Variants in MAP2K4 observed in about 807,000 individuals in gnomAD.
MAP2K4 encodes the protein mitogen-activated protein kinase kinase 4.
A neutral mutation model predicts 48.5 loss-of-function variants in MAP2K4; 4 were observed. That is an observed-to-expected ratio of 0.08 (90% CI 0.04 to 0.19). The LOEUF (loss-of-function observed/expected upper bound fraction) is 0.19, where lower values mean the gene tolerates loss of function less well. MAP2K4 is among the 10% of genes least tolerant of loss of function. The pLI, the probability that MAP2K4 is intolerant of heterozygous loss-of-function variation, is 1.00. For synonymous variants in MAP2K4, 166 were observed against 173.1 expected, an observed-to-expected ratio of 0.96 and a Z score of 0.32; for missense variants, 258 against 493.3, an observed-to-expected ratio of 0.52 and a Z score of 4.52.
At position 12,063,469 on chromosome 17, in the gene MAP2K4, T is replaced by TA. The variant is rs1970516000; in HGVS notation, c.218+8479dup. Among the ~76,000 whole-genome samples the TA allele has an allele frequency of 5.3e-5, 8 of 152,312 alleles. No individual in the cohort carries two copies. The South Asian group carries it at 1.7e-3, about 32-fold the overall frequency. ...AGGATAAATTTTAATTTCTACTTCA[T>TA]ACCATATGCAAAAATTACCTCAAGA... On this transcript the variant is annotated intron_variant, in intron 2 of 10. Coordinates refer to ENST00000353533, the MANE Select transcript of MAP2K4 (RefSeq NM_003010.4).
chr17:12,098,202 G>A (rs950340524), intron 4 of MAP2K4, among the ~76,000 whole-genome samples: 3 of 152,028 alleles, frequency 2.0e-5, no homozygotes, highest in South Asian at 2.1e-4. Context: ...TAAAATGGCC[G>A]GGCACGGTGG....
intron 2 of MAP2K4, among the ~76,000 whole-genome samples, chr17:12,058,655 G>A (rs1970357829): frequency 6.6e-6 from 1 of 152,116 alleles, no homozygotes; most frequent in Admixed American, 6.6e-5. Context: ...GGCCAATGTT[G>A]TTTTATCTTT....
intron 2 of MAP2K4, among the ~76,000 whole-genome samples, chr17:12,074,398 A>C (rs889804107): frequency 6.6e-6 from 1 of 152,146 alleles, no homozygotes; most frequent in African/African-American, 2.4e-5. Context: ...ACTTGGAGAT[A>C]GTTTGATCCT....
intron 7 of MAP2K4, among the ~76,000 whole-genome samples, chr17:12,114,451 CTT>C (rs1972417591): frequency 6.6e-6 from 1 of 150,392 alleles, no homozygotes; most frequent in African/African-American, 2.5e-5. Context: ...ACCTTTTAAA[CTT>C]TTGGTTTTGT....
chr17:12,083,615 T>TC (rs1971265269), intron 3 of MAP2K4, among the ~76,000 whole-genome samples: 1 of 152,206 alleles, frequency 6.6e-6, no homozygotes, highest in Admixed American at 6.5e-5. Context: ...TTCCATGACT[T>TC]CATTAATACT....
chr17:12,036,405 T>C (rs1276975685), intron 1 of MAP2K4: 3 of 152,242 alleles, frequency 2.0e-5, no homozygotes, highest in Non-Finnish European at 2.9e-5. Context: ...TCACTGACTT[T>C]AATGAGCTAA....
chr17:12,056,326 C>CT (rs55767521), intron 2 of MAP2K4, among the ~76,000 whole-genome samples: 27,023 of 151,916 alleles, frequency 0.18, 2,654 homozygotes, highest in South Asian at 0.3. Flanking sequence ...TCTATTTGTA[C>CT]TGTCTTCCCT....
At chr17:12,117,451 A>T (rs140961614) in intron 7 of MAP2K4, among the ~76,000 whole-genome samples, 1 of 152,194 alleles carries the variant, frequency 6.6e-6, no homozygotes, top group African/African-American at 2.4e-5. Flanking sequence ...GCTGCAATAT[A>T]TCTTTTCCAC....
chr17:12,046,095 G>C (rs565864493), intron 1 of MAP2K4, among the ~76,000 whole-genome samples: 1 of 152,300 alleles, frequency 6.6e-6, no homozygotes, highest in East Asian at 1.9e-4. Flanking sequence ...TCTTATTAAG[G>C]ACTGTGAAAG....
chr17:12,051,328 T>G (rs1380145571), intron 1 of MAP2K4, among the ~76,000 whole-genome samples: 1 of 152,228 alleles, frequency 6.6e-6, no homozygotes, highest in Non-Finnish European at 1.5e-5. Flanking sequence ...CCATATAGGC[T>G]TAAGTTGTCT....
chr17:12,029,072 C>A (rs954041022), intron 1 of MAP2K4, among the ~76,000 whole-genome samples: 3 of 152,112 alleles, frequency 2.0e-5, no homozygotes, highest in Non-Finnish European at 4.4e-5. Flanking sequence ...TAAACACTTA[C>A]ACATCCTAAA....
chr17:12,060,728 GGTGT>G (rs368390462), intron 2 of MAP2K4, among the ~76,000 whole-genome samples: 6 of 150,344 alleles, frequency 4.0e-5, no homozygotes, highest in Admixed American at 6.7e-5. Context: ...AATACTATGG[GGTGT>G]GTGTGTGTGT....
At chr17:12,073,634 A>AT (rs988193677) in intron 2 of MAP2K4, among the ~76,000 whole-genome samples, 1 of 152,174 alleles carries the variant, frequency 6.6e-6, no homozygotes, top group African/African-American at 2.4e-5. Context: ...TTGAGGTATA[A>AT]TTGGCATAGA....
intron 1 of MAP2K4, among the ~76,000 whole-genome samples, chr17:12,043,053 A>C (rs534015233): frequency 6.6e-5 from 10 of 152,278 alleles, no homozygotes; most frequent in African/African-American, 1.7e-4. Context: ...TCTCAAAAAA[A>C]AAAAAAGATG....
Position 12,081,317 on chromosome 17 carries a change from T to C in MAP2K4, c.219-39T>C, listed in dbSNP as rs753859076. The C allele has an allele frequency of 1.7e-5, 27 of 1,542,906 alleles. No individual in the cohort carries two copies. The highest frequency in any genetic ancestry group is 2.3e-5 in the Non-Finnish European group (26 of 1,137,994). Reference sequence around the variant, plus strand: ...ACTAAAAGAAAAAAGTTAAAACCTATTTAAAATGTGGAAAAATTGCTTCCC... The same window carrying C: ...ACTAAAAGAAAAAAGTTAAAACCTACTTAAAATGTGGAAAAATTGCTTCCC... On this transcript the variant is annotated intron_variant, in intron 2 of 10. Coordinates refer to ENST00000353533, the MANE Select transcript of MAP2K4 (RefSeq NM_003010.4). This position sits in a 1 kb window ranked among gnomAD's most constrained non-coding sequence, Gnocchi z 4.2.
intron 3 of MAP2K4, among the ~76,000 whole-genome samples, chr17:12,091,003 A>T (rs1304394239): frequency 1.3e-5 from 2 of 152,104 alleles, no homozygotes; most frequent in Non-Finnish European, 2.9e-5. Context: ...TATGTGAGAG[A>T]TGGATTTGGT....
chr17:12,125,851 T>A (rs779384485), intron 8 of MAP2K4, among the ~76,000 whole-genome samples: 2 of 152,206 alleles, frequency 1.3e-5, no homozygotes, highest in Non-Finnish European at 2.9e-5. Flanking sequence ...AAATCACAAG[T>A]GAATGAGCTG....
At chr17:12,089,659 C>T (rs1366708202) in intron 3 of MAP2K4, among the ~76,000 whole-genome samples, 5 of 152,158 alleles carry the variant, frequency 3.3e-5, no homozygotes, top group Non-Finnish European at 7.3e-5. Context: ...GTATCTCCTA[C>T]TCTGCTCTTA....
intron 9 of MAP2K4, among the ~76,000 whole-genome samples, chr17:12,135,519 C>A (rs1264266346): frequency 6.6e-6 from 1 of 152,114 alleles, no homozygotes; most frequent in Non-Finnish European, 1.5e-5. Context: ...GTGGCGTGAG[C>A]CACTGTACCT....
Sources: allele counts gnomAD v4.1 joint callset (sites outside exome capture counted in the v4.1 genomes callset), GRCh38; gene constraint gnomAD v4.1.1; non-coding constraint Gnocchi (gnomAD v3.1); transcripts MANE v1.5; gene names NCBI Gene and HGNC (gene_info 2026-07-23, HGNC 2026-07-21).